Variants in KCNAB1 observed in about 807,000 individuals in gnomAD.
The protein encoded by KCNAB1 is voltage-gated potassium channel subunit beta-1.
In KCNAB1, 35 loss-of-function variants were observed where a neutral mutation model predicts 64.6. The ratio of observed to expected loss-of-function variants is 0.54; its 90% CI spans 0.41 to 0.72. KCNAB1 has a LOEUF of 0.72. Ranked by LOEUF, KCNAB1 falls within the 30% of genes least tolerant of loss-of-function variation. KCNAB1 has a pLI of 0.00. For missense variants in KCNAB1, 401 were observed against 512.9 expected (o/e 0.78, Z 2.11); for synonymous variants, 177 against 183.8 (o/e 0.96, Z 0.30).
Position 156,219,903 on chromosome 3 carries a change from T to G in KCNAB1, c.275+99017T>G, listed in dbSNP as rs190622077. 5.0e-4 allele frequency among the ~76,000 whole-genome samples: 76 copies of G among 151,836 alleles called. No individual in the cohort carries two copies. The East Asian group carries it at 0.014, about 27-fold the overall frequency. ...CCCTGACAGGCCCCAGTGTGTGATG[T>G]TCCCAGCCCTGTGTCCATGTGTTCT... is the stretch of plus-strand genomic sequence containing the variant. On this transcript the variant is annotated intron_variant, in intron 1 of 13. Coordinates refer to ENST00000490337, the MANE Select transcript of KCNAB1 (RefSeq NM_172160.3).
chr3:156,526,214 A>G (rs1416890067), intron 12 of KCNAB1, among the ~76,000 whole-genome samples: 1 of 152,242 alleles, frequency 6.6e-6, no homozygotes, highest in Admixed American at 6.5e-5. Flanking sequence ...CTAGATGTGC[A>G]GTAGGCTATA....
intron 1 of KCNAB1, among the ~76,000 whole-genome samples, chr3:156,236,732 C>A (rs1186085651): frequency 6.6e-6 from 1 of 152,070 alleles, no homozygotes; most frequent in Non-Finnish European, 1.5e-5. Context: ...CCACTGCCTG[C>A]CCTCTGGCAT....
intron 2 of KCNAB1, among the ~76,000 whole-genome samples, chr3:156,436,847 A>T (rs561014463): frequency 7.9e-5 from 12 of 151,986 alleles, no homozygotes; most frequent in African/African-American, 2.7e-4. Flanking sequence ...GATTGCAAAA[A>T]TTTTCTCCTG....
At chr3:156,486,197 G>A (rs1715201091) in intron 8 of KCNAB1, among the ~76,000 whole-genome samples, 1 of 152,112 alleles carries the variant, frequency 6.6e-6, no homozygotes, top group South Asian at 2.1e-4. Context: ...CTTTTATAAG[G>A]AGGGCTGTGA....
At chr3:156,524,379 G>C (rs777347673) in intron 12 of KCNAB1, 16 of 153,746 alleles carry the variant, frequency 1.0e-4, no homozygotes, top group Non-Finnish European at 2.0e-4. Context: ...CACCCTGAAA[G>C]TTCTTGAAGG....
At chr3:156,289,293 TC>T (rs1290319771) in intron 1 of KCNAB1, among the ~76,000 whole-genome samples, 1 of 152,206 alleles carries the variant, frequency 6.6e-6, no homozygotes, top group African/African-American at 2.4e-5. Flanking sequence ...AAACTGAAGT[TC>T]CTGGCTCCTG....
intron 1 of KCNAB1, among the ~76,000 whole-genome samples, chr3:156,165,590 CT>C (rs751672075): frequency 1.3e-5 from 2 of 152,194 alleles, no homozygotes; most frequent in African/African-American, 2.4e-5. Flanking sequence ...ATACCCCTAA[CT>C]AATAAAAGAT....
intron 1 of KCNAB1, among the ~76,000 whole-genome samples, chr3:156,357,328 G>A (rs1725323543): frequency 6.6e-6 from 1 of 152,186 alleles, no homozygotes; most frequent in Admixed American, 6.5e-5. Context: ...ACTTTCAAGT[G>A]GGGACAGTTA....
intron 1 of KCNAB1, among the ~76,000 whole-genome samples, chr3:156,258,923 A>T (rs1225209723): frequency 1.3e-5 from 2 of 152,228 alleles, no homozygotes; most frequent in Admixed American, 1.3e-4. Context: ...CCCCCTCTGC[A>T]TGCAGAACAT....
Position 156,299,821 on chromosome 3 carries a change from A to G in KCNAB1, c.276-121795A>G, listed in dbSNP as rs776890164. Among the ~76,000 whole-genome samples, 58 of 152,096 alleles carry G rather than the reference A, an allele frequency of 3.8e-4. 2 individuals carry two copies. Among genetic ancestry groups the G allele is most frequent in the Non-Finnish European group, 6.6e-4 (45 of 67,992 alleles). ...AATCTGTCCTGTTTTTCCAATTTGCACTGTGCAGCAACTACTTGTAAAGGC... is the reference window on the plus strand; with the variant it reads ...AATCTGTCCTGTTTTTCCAATTTGCGCTGTGCAGCAACTACTTGTAAAGGC... On this transcript the variant is annotated intron_variant, in intron 1 of 13. Transcript: ENST00000490337.
chr3:156,138,440 C>T (rs1714501507), intron 1 of KCNAB1, among the ~76,000 whole-genome samples: 1 of 152,234 alleles, frequency 6.6e-6, no homozygotes, highest in African/African-American at 2.4e-5. Flanking sequence ...GCCCCACCAG[C>T]TCTGGCCTCA....
intron 1 of KCNAB1, among the ~76,000 whole-genome samples, chr3:156,260,035 CT>C (rs2108477110): frequency 1.3e-5 from 2 of 152,256 alleles, no homozygotes; most frequent in South Asian, 4.2e-4. Context: ...GATACTCAGA[CT>C]TTTCTCAAGA....
chr3:156,285,478 C>G (rs562263734), intron 1 of KCNAB1, among the ~76,000 whole-genome samples: 11 of 145,502 alleles, frequency 7.6e-5, no homozygotes, highest in African/African-American at 2.8e-4. Flanking sequence ...GAGGCCTGAA[C>G]AAAATAATCT....
At chr3:156,229,607 T>A (rs998911691) in intron 1 of KCNAB1, among the ~76,000 whole-genome samples, 4 of 152,072 alleles carry the variant, frequency 2.6e-5, no homozygotes, top group Non-Finnish European at 5.9e-5. Flanking sequence ...TGATATAGAG[T>A]CATTTCCTAA....
chr3:156,309,913 C>T (rs899502023), intron 1 of KCNAB1, among the ~76,000 whole-genome samples: 2 of 152,148 alleles, frequency 1.3e-5, no homozygotes, highest in African/African-American at 4.8e-5. Context: ...AAGAGAAAGC[C>T]AAGTGCCTAG....
At chr3:156,533,366 G>C (rs542947724) in intron 13 of KCNAB1, among the ~76,000 whole-genome samples, 1 of 152,260 alleles carries the variant, frequency 6.6e-6, no homozygotes, top group South Asian at 2.1e-4. Context: ...GCATTCCAGG[G>C]ACAGGGAAGA....
intron 12 of KCNAB1, among the ~76,000 whole-genome samples, chr3:156,526,156 AT>A (rs1322617766): frequency 1.3e-5 from 2 of 152,198 alleles, no homozygotes; most frequent in Admixed American, 1.3e-4. Context: ...GTACAGTAAC[AT>A]GCTGTACAGA....
chr3:156,537,581 G>A lies in KCNAB1; in HGVS notation c.*834G>A, dbSNP rs1719144056. On this transcript the variant is annotated 3_prime_UTR_variant, in exon 14 of 14. Coordinates refer to ENST00000490337, the MANE Select transcript of KCNAB1 (RefSeq NM_172160.3). ...AGGGCTACACTGCTATGGAAACTTA[G>A]CTTCAAAGAAAATGCAATGTATCTG... The A allele has an allele frequency of 6.5e-6, 1 of 152,672 alleles. No homozygotes were observed. The highest frequency in any genetic ancestry group is 1.5e-5 in the Non-Finnish European group (1 of 68,062). The allele number at this position is 152,672 out of a possible 1,614,324, so 9.5% of individuals were successfully genotyped here. A position where few individuals can be genotyped will look rare whatever the true frequency, so the allele number is the denominator to read the frequency against.
At chr3:156,241,830 G>A (rs553210842) in intron 1 of KCNAB1, among the ~76,000 whole-genome samples, 36 of 152,144 alleles carry the variant, frequency 2.4e-4, no homozygotes, top group African/African-American at 7.7e-4. Context: ...CTAAGAAAAG[G>A]TGACTGGGAA....
Sources: allele counts gnomAD v4.1 joint callset (sites outside exome capture counted in the v4.1 genomes callset), GRCh38; gene constraint gnomAD v4.1.1; transcripts MANE v1.5; gene names NCBI Gene and HGNC (gene_info 2026-07-23, HGNC 2026-07-21).